Variants in CUBN observed in about 807,000 individuals in gnomAD.
The protein encoded by CUBN is 460 kDa receptor.
Under a neutral mutation model 405.3 loss-of-function variants are expected in CUBN, and 282 were observed. That is an observed-to-expected ratio of 0.70 (90% confidence interval 0.63 to 0.77). The LOEUF (loss-of-function observed/expected upper bound fraction) is 0.77. Ranked by LOEUF, CUBN falls within the 30% of genes least tolerant of loss-of-function variation. The pLI is 0.00. For synonymous variants in CUBN, 1,684 were observed against 1,617.0 expected (o/e 1.04, Z -0.99); for missense variants, 4,514 against 4,475.2 (o/e 1.01, Z -0.25).
At chr10:17,083,667 G>T (rs931169561) in intron 17 of CUBN, among the ~76,000 whole-genome samples, 1 of 152,024 alleles carries the variant, frequency 6.6e-6, no homozygotes, top group African/African-American at 2.4e-5. Flanking sequence ...GGTTTTTCCT[G>T]GATGAATAAA....
At chr10:16,871,337 G>T (rs1840347485) in intron 58 of CUBN, among the ~76,000 whole-genome samples, 1 of 151,294 alleles carries the variant, frequency 6.6e-6, no homozygotes. Flanking sequence ...ACCATGCCCA[G>T]CCTGCATTTT....
chr10:16,958,552 C>T (rs1367882752), intron 31 of CUBN, among the ~76,000 whole-genome samples: 1 of 151,982 alleles, frequency 6.6e-6, no homozygotes, highest in East Asian at 1.9e-4. Flanking sequence ...TCATGTGTCC[C>T]GGAATTCAAA....
At chr10:17,063,259 T>A (rs1407220739) in intron 22 of CUBN, among the ~76,000 whole-genome samples, 3 of 152,186 alleles carry the variant, frequency 2.0e-5, no homozygotes, top group Admixed American at 6.5e-5. Flanking sequence ...GATTGCTATT[T>A]AGAATGGCTT....
Position 16,831,267 on chromosome 10 carries a change from T to C in CUBN, c.10513A>G (p.Thr3505Ala), listed in dbSNP as rs773837995. Residue 3505 changes from threonine (T) to alanine (A), a missense_variant, in exon 65 of 67, where the codon ACT (threonine) becomes GCT (alanine). Coordinates refer to ENST00000377833, the MANE Select transcript of CUBN (RefSeq NM_001081.4). ...TSDRGYEIIWTSSPSGCGGTL... is the reference protein window; with the variant it reads ...TSDRGYEIIWASSPSGCGGTL... Reference sequence around the variant, plus strand: ...AATGTCTTACCAGAGGGTGATGAAGTCCAGATGATTTCATATCCACGATCA... The same window carrying C: ...AATGTCTTACCAGAGGGTGATGAAGCCCAGATGATTTCATATCCACGATCA... 6.2e-7 allele frequency: 1 copy of C among 1,614,090 alleles called. No homozygotes were observed. Among genetic ancestry groups the C allele is most frequent in the Non-Finnish European group, 8.5e-7 (1 of 1,179,954 alleles).
chr10:16,956,954 T>C (rs1033843586), intron 31 of CUBN, among the ~76,000 whole-genome samples: 1 of 152,200 alleles, frequency 6.6e-6, no homozygotes. Context: ...CACATATACA[T>C]TGTGTAATTA....
intron 13 of CUBN, among the ~76,000 whole-genome samples, chr10:17,101,086 A>G (rs1170901828): frequency 6.6e-6 from 1 of 152,214 alleles, no homozygotes; most frequent in African/African-American, 2.4e-5. Context: ...TTAATGAAAA[A>G]GAATATAAGG....
intron 36 of CUBN, among the ~76,000 whole-genome samples, chr10:16,943,684 C>T (rs1358295012): frequency 6.6e-6 from 1 of 152,194 alleles, no homozygotes; most frequent in Non-Finnish European, 1.5e-5. Context: ...GCAACATCGG[C>T]ATCACCGGAG....
intron 55 of CUBN, among the ~76,000 whole-genome samples, chr10:16,888,851 GAA>G (rs1840904895): frequency 6.6e-6 from 1 of 152,068 alleles, no homozygotes; most frequent in Non-Finnish European, 1.5e-5. Flanking sequence ...AAGATATTAA[GAA>G]AGGATAAACG....
intron 30 of CUBN, 75 bp downstream of exon 30, chr10:16,984,030 G>A (rs1403476442): frequency 2.7e-5 from 42 of 1,527,744 alleles, no homozygotes; most frequent in Non-Finnish European, 3.1e-5. Context: ...GCCTTCATAC[G>A]TTTTCCCAAG....
At chr10:16,889,492 G>A (rs1030647125) in intron 55 of CUBN, among the ~76,000 whole-genome samples, 2 of 152,150 alleles carry the variant, frequency 1.3e-5, no homozygotes, top group Non-Finnish European at 2.9e-5. Context: ...GAATCTAATA[G>A]TGTACAATAG....
At chr10:16,835,298 T>C (rs1225789965) in intron 63 of CUBN, 103 bp from the exon 64 acceptor site, 1 of 1,024,860 alleles carries the variant, frequency 9.8e-7, no homozygotes, top group East Asian at 2.5e-5. Flanking sequence ...TGATAAACTT[T>C]AGAAAAAAGT....
At chr10:16,930,883 C>T (rs1310953271) in intron 40 of CUBN, among the ~76,000 whole-genome samples, 2 of 152,142 alleles carry the variant, frequency 1.3e-5, no homozygotes, top group Admixed American at 6.5e-5. Flanking sequence ...TAGATATTTG[C>T]TTCAGAATGT....
chr10:17,115,586 G>T lies in CUBN; in HGVS notation c.605C>A (p.Pro202Gln), dbSNP rs761998221. 8.7e-6 allele frequency: 14 copies of T among 1,614,062 alleles called. No individual in the cohort carries two copies. Among genetic ancestry groups the T allele is most frequent in the Non-Finnish European group, 1.2e-5 (14 of 1,180,026 alleles). The change falls in exon 7 of 67, where the codon CCA (proline) becomes CAA (glutamine). Residue 202 changes from proline to glutamine, a missense_variant. By Grantham distance (76) the Pro-to-Gln change is moderately conservative. This residue lies in a region of CUBN where 1,448 missense variants were observed against 1,388.0 expected (regional missense o/e 1.04). Coordinates refer to ENST00000377833, the MANE Select transcript of CUBN (RefSeq NM_001081.4). ...NTMGSYSCHC[P>Q]PETYGPQCAS... The stretch of plus-strand genomic sequence containing the variant: ...ACACTGGGGTCCGTACGTCTCAGGT[G>T]GGCAGTGACAACTGTTGGTTACACA...
At chr10:16,863,376 GA>G (rs1431352243) in intron 59 of CUBN, among the ~76,000 whole-genome samples, 2 of 152,158 alleles carry the variant, frequency 1.3e-5, no homozygotes, top group Non-Finnish European at 2.9e-5. Flanking sequence ...TAGGAAACCA[GA>G]AAAATGACAT....
intron 40 of CUBN, among the ~76,000 whole-genome samples, chr10:16,931,321 TACAA>T (rs1338527549): frequency 5.9e-5 from 9 of 151,902 alleles, no homozygotes; most frequent in African/African-American, 2.2e-4. Flanking sequence ...TGTAAATGAC[TACAA>T]TACTCACCAA....
intron 36 of CUBN, among the ~76,000 whole-genome samples, chr10:16,943,290 C>A (rs955553083): frequency 6.6e-6 from 1 of 152,170 alleles, no homozygotes; most frequent in Non-Finnish European, 1.5e-5. Flanking sequence ...ACAGTATAGA[C>A]CATCTGGACT....
In CUBN at chr10:17,115,529, G is replaced by A. The variant is rs755960364; in HGVS notation, c.662C>T (p.Ser221Phe). Residue 221 changes from serine to phenylalanine, a missense_variant, in exon 7 of 67, where the codon TCT (serine) becomes TTT (phenylalanine). Transcript: ENST00000377833. ...GATGCCATGGACACAGCGTGCCACAGAACCCCCTTCACAGTCGTCATATTT... is the reference window on the plus strand; with the variant it reads ...GATGCCATGGACACAGCGTGCCACAAAACCCCCTTCACAGTCGTCATATTT... ...ASKYDDCEGGSVARCVHGICE... is the reference protein window; with the variant it reads ...ASKYDDCEGGFVARCVHGICE... 49 of 1,614,008 alleles carry A rather than the reference G, an allele frequency of 3.0e-5. No individual in the cohort carries two copies. The highest frequency in any genetic ancestry group is 3.8e-5 in the Non-Finnish European group (45 of 1,180,026).
chr10:17,068,235 G>A lies in CUBN; in HGVS notation c.2837C>T (p.Pro946Leu). ...GTGGGGGTAGACATTTGGATGGCCAGGACTTTGAATGGTCCCTGTTGATTC... is the reference window on the plus strand; with the variant it reads ...GTGGGGGTAGACATTTGGATGGCCAAGACTTTGAATGGTCCCTGTTGATTC... ...LTESTGTIQS[P>L]GHPNVYPHGI... is the part of the protein sequence containing the mutation. Residue 946 changes from proline to leucine, a missense_variant, in exon 21 of 67, where the codon CCT becomes CTT. Around this residue, in one of 5 missense-constraint regions of CUBN, gnomAD observed 1,448 missense variants for 1,388.0 expected, o/e 1.04. Transcript: ENST00000377833. 6.2e-7 allele frequency: 1 copy of A among 1,613,682 alleles called. No individual in the cohort carries two copies. Among genetic ancestry groups the A allele is most frequent in the East Asian group, 2.2e-5 (1 of 44,872 alleles).
chr10:16,833,976 AG>A (rs1839090663), intron 64 of CUBN, among the ~76,000 whole-genome samples: 1 of 152,232 alleles, frequency 6.6e-6, no homozygotes, highest in Non-Finnish European at 1.5e-5. Flanking sequence ...TGTGGTACAA[AG>A]CCAGTTTAGA....
Sources: gnomAD v4.1 joint callset for allele counts (sites outside exome capture counted in the v4.1 genomes callset) on GRCh38, gnomAD v4.1.1 for gene constraint, gnomAD v4.1.1 regional missense constraint, MANE v1.5 for transcripts, NCBI Gene and HGNC (gene_info 2026-07-23, HGNC 2026-07-21) for gene names.